Variants in NHSL2 observed in about 807,000 individuals in gnomAD.
NHSL2 encodes the protein NHS-like protein 2.
NHSL2 carries 27 observed loss-of-function variants against 53.4 expected under a neutral mutation model. That is an observed-to-expected ratio of 0.51 (90% CI 0.37 to 0.70). The LOEUF (loss-of-function observed/expected upper bound fraction) is 0.70, where lower values mean the gene tolerates loss of function less well. Ranked by LOEUF, NHSL2 falls within the 30% of genes least tolerant of loss-of-function variation. The probability of loss-of-function intolerance (pLI) is 0.00; values close to 1 mark genes in which losing one functional copy is unlikely to be tolerated. For missense variants in NHSL2, 892 were observed against 980.1 expected (o/e 0.91, Z 1.20); for synonymous variants, 408 against 404.1 (o/e 1.01, Z -0.12).
chrX:72,091,277 C>T (rs769257111), intron 1 of NHSL2, among the ~76,000 whole-genome samples: 1 of 111,489 alleles, frequency 9.0e-6, no homozygotes, highest in African/African-American at 3.3e-5. Flanking sequence ...CATGGTGAAA[C>T]CCCGTCTCTA....
chrX:72,009,583 C>T (rs776491879), intron 1 of NHSL2, among the ~76,000 whole-genome samples: 68 of 112,792 alleles, frequency 6.0e-4, no homozygotes, highest in Non-Finnish European at 1.2e-3. Context: ...TTGTTACCTT[C>T]TCAGTTTGTT....
At chrX:71,954,021 A>AT (rs1389546392) in intron 1 of NHSL2, among the ~76,000 whole-genome samples, 2 of 111,952 alleles carry the variant, frequency 1.8e-5, no homozygotes, top group Non-Finnish European at 1.9e-5. Flanking sequence ...ATTCATAAAC[A>AT]TTTTTTGCAC....
intron 1 of NHSL2, among the ~76,000 whole-genome samples, chrX:72,113,804 C>T (rs2042112903): frequency 8.9e-6 from 1 of 112,302 alleles, no homozygotes; most frequent in Admixed American, 9.4e-5. Context: ...GGCTCAGAGC[C>T]AGGTCAGAAG....
intron 1 of NHSL2, among the ~76,000 whole-genome samples, chrX:71,941,156 T>C (rs2041763843): frequency 8.9e-6 from 1 of 112,159 alleles, no homozygotes; most frequent in Admixed American, 9.5e-5. Flanking sequence ...AAGGCTCTTA[T>C]GCTCATGGCT....
chrX:72,003,008 G>T (rs1041842648), intron 1 of NHSL2, among the ~76,000 whole-genome samples: 2 of 110,321 alleles, frequency 1.8e-5, no homozygotes, highest in African/African-American at 6.6e-5. Context: ...GTCCATATGC[G>T]CACAGAGATT....
Position 72,150,093 on chromosome X carries a change from T to A in NHSL2, c.*6519T>A, listed in dbSNP as rs2042500198. 8.9e-6 allele frequency: 1 copy of A among 112,992 alleles called. No homozygotes were observed. The highest frequency in any genetic ancestry group is 3.6e-4 in the South Asian group (1 of 2,805). 9.3% of individuals were successfully genotyped at this position (112,992 alleles called of 1,213,427 possible). ...AATATATATGCTTTAAGGGAAAATG[T>A]TCAAGAGTTCTTTAATTCATTAATC... On this transcript the variant is annotated 3_prime_UTR_variant, in exon 8 of 8. Coordinates refer to ENST00000633930, the MANE Select transcript of NHSL2 (RefSeq NM_001013627.3).
chrX:71,936,027 A>G (rs1357941859), intron 1 of NHSL2, among the ~76,000 whole-genome samples: 1 of 112,117 alleles, frequency 8.9e-6, no homozygotes, highest in Non-Finnish European at 1.9e-5. Context: ...TTGCGGAGGT[A>G]AAGGCACACA....
chrX:71,942,947 GCTCTCT>G (rs767412870), intron 1 of NHSL2, among the ~76,000 whole-genome samples: 1 of 72,213 alleles, frequency 1.4e-5, no homozygotes, highest in African/African-American at 4.9e-5. Flanking sequence ...GGGCTCTAAT[GCTCTCT>G]CTCTCTCTCT....
At chrX:71,994,220 C>T (rs751362377) in intron 1 of NHSL2, among the ~76,000 whole-genome samples, 6 of 110,515 alleles carry the variant, frequency 5.4e-5, no homozygotes, top group African/African-American at 2.0e-4. Context: ...ATAACCCCTG[C>T]CCTCGAGAAG....
intron 1 of NHSL2, among the ~76,000 whole-genome samples, chrX:72,089,372 C>T (rs1449624808): frequency 3.6e-5 from 4 of 111,411 alleles, no homozygotes; most frequent in Admixed American, 1.9e-4. Flanking sequence ...TAAAGAATGT[C>T]ACAAGGCAGC....
chrX:71,942,034 A>G (rs1467691718), intron 1 of NHSL2, among the ~76,000 whole-genome samples: 1 of 106,796 alleles, frequency 9.4e-6, no homozygotes, highest in Non-Finnish European at 1.9e-5. Context: ...AGTCCAGCTC[A>G]GATTTGGAAG....
At chrX:72,107,623 G>A (rs1489123820) in intron 1 of NHSL2, among the ~76,000 whole-genome samples, 1 of 112,222 alleles carries the variant, frequency 8.9e-6, no homozygotes, top group Non-Finnish European at 1.9e-5. Flanking sequence ...GACGACTCAT[G>A]TGCACCAACA....
chrX:72,027,799 C>T (rs942983065), intron 1 of NHSL2: 28 of 120,260 alleles, frequency 2.3e-4, no homozygotes, highest in Non-Finnish European at 8.5e-5. Flanking sequence ...TCAAGACCTC[C>T]GAGAACCTTG....
chrX:71,999,259 C>T (rs1449894059), intron 1 of NHSL2, among the ~76,000 whole-genome samples: 1 of 112,500 alleles, frequency 8.9e-6, no homozygotes, highest in Non-Finnish European at 1.9e-5. Context: ...CTGATTTTCT[C>T]AGGCAAGGAC....
chrX:72,060,131 A>G (rs778888168), intron 1 of NHSL2, among the ~76,000 whole-genome samples: 1 of 112,306 alleles, frequency 8.9e-6, no homozygotes, highest in East Asian at 2.8e-4. Context: ...TAGTCTTTGA[A>G]GTCCATCTAG....
At chrX:72,030,303 A>G (rs971095289) in intron 1 of NHSL2, among the ~76,000 whole-genome samples, 7 of 112,319 alleles carry the variant, frequency 6.2e-5, no homozygotes, top group Non-Finnish European at 1.1e-4. Flanking sequence ...GGGCTGTGTT[A>G]TTGGTGACAC....
chrX:72,092,071 A>G (rs1190076426), intron 1 of NHSL2, among the ~76,000 whole-genome samples: 1 of 112,240 alleles, frequency 8.9e-6, no homozygotes, highest in Non-Finnish European at 1.9e-5. Context: ...TGCCTTGTGA[A>G]GCACAGCTCT....
At chrX:71,919,196 GT>G (rs1034671395) in intron 1 of NHSL2, among the ~76,000 whole-genome samples, 4 of 112,127 alleles carry the variant, frequency 3.6e-5, no homozygotes, top group African/African-American at 1.3e-4. Flanking sequence ...TGGATGACAT[GT>G]TAAGGAAAAG....
At position 71,911,283 on chromosome X, in the gene NHSL2, G is replaced by A; in HGVS notation, c.196G>A (p.Asp66Asn). 1 of 1,140,716 alleles carries A rather than the reference G, an allele frequency of 8.8e-7. No individual in the cohort carries two copies. Among genetic ancestry groups the A allele is most frequent in the East Asian group, 3.4e-5 (1 of 29,662 alleles). The allele number at this position is 1,140,716 out of a possible 1,213,427, so 94.0% of individuals were successfully genotyped here. A position where few individuals can be genotyped will look rare whatever the true frequency, so the allele number is the denominator to read the frequency against. ...GHLLALGRRTDSLYRRTVRLR... is the reference protein window; with the variant it reads ...GHLLALGRRTNSLYRRTVRLR... ...CCTGCTGGCCCTGGGGCGCCGCACA[G>A]ACAGCCTGTACCGGCGCACCGTGCG... The change falls in exon 1 of 8, where the codon GAC becomes AAC. Residue 66 changes from aspartate (D) to asparagine (N), a missense_variant. Asp to Asn is a conservative substitution (Grantham distance 23, BLOSUM62 1). Coordinates refer to ENST00000633930, the MANE Select transcript of NHSL2 (RefSeq NM_001013627.3).
Sources: gnomAD v4.1 joint callset for allele counts (sites outside exome capture counted in the v4.1 genomes callset) on GRCh38, gnomAD v4.1.1 for gene constraint, MANE v1.5 for transcripts, NCBI Gene and HGNC (gene_info 2026-07-23, HGNC 2026-07-21) for gene names.